Variants in REDIC1 observed in about 807,000 individuals in gnomAD.
REDIC1 encodes HEI10 Interacting Protein 1.
the REDIC1 span, among the ~76,000 whole-genome samples, chr12:39,816,414 A>G: frequency 8.7e-6 from 1 of 115,004 alleles, no homozygotes; most frequent in African/African-American, 3.4e-5. Flanking sequence ...GGAACATCAC[A>G]CCCCGGGGCC....
the REDIC1 span, among the ~76,000 whole-genome samples, chr12:39,668,628 T>C: frequency 6.6e-6 from 1 of 152,242 alleles, no homozygotes; most frequent in Non-Finnish European, 1.5e-5. Flanking sequence ...GAGGTTCTCC[T>C]GGATAATATC....
the REDIC1 span, among the ~76,000 whole-genome samples, chr12:39,750,932 C>T: frequency 6.6e-6 from 1 of 151,994 alleles, no homozygotes; most frequent in Non-Finnish European, 1.5e-5. Context: ...TAAAGACTTA[C>T]ATGTTAGACC....
the REDIC1 span, chr12:39,864,872 T>C: frequency 6.2e-6 from 10 of 1,610,142 alleles, no homozygotes; most frequent in East Asian, 2.2e-5. Context: ...TAATGAGTGC[T>C]ACGGTGGTAC....
the REDIC1 span, among the ~76,000 whole-genome samples, chr12:39,873,900 C>T: frequency 6.6e-6 from 1 of 152,100 alleles, no homozygotes; most frequent in Non-Finnish European, 1.5e-5. Context: ...GTCTTCTGTC[C>T]AGGTTAGGTA....
At chr12:39,828,936 A>G in the REDIC1 span, among the ~76,000 whole-genome samples, 16 of 152,120 alleles carry the variant, frequency 1.1e-4, no homozygotes, top group African/African-American at 3.9e-4. Flanking sequence ...TGTGGTCTGG[A>G]TTTTTACTCA....
chr12:39,711,839 GTATACACA>G, the REDIC1 span, among the ~76,000 whole-genome samples: 1 of 67,448 alleles, frequency 1.5e-5, no homozygotes, highest in Admixed American at 1.3e-4. Context: ...GTATATGTGT[GTATACACA>G]TGCATGTGTA....
chr12:39,796,765 A>C, the REDIC1 span, among the ~76,000 whole-genome samples: 1 of 152,180 alleles, frequency 6.6e-6, no homozygotes, highest in South Asian at 2.1e-4. Context: ...CCAACTAACA[A>C]TAAGAATGTA....
the REDIC1 span, among the ~76,000 whole-genome samples, chr12:39,779,354 G>T: frequency 6.6e-6 from 1 of 152,290 alleles, no homozygotes; most frequent in Non-Finnish European, 1.5e-5. Flanking sequence ...GAGAACTGAT[G>T]TTTTTCTACA....
At chr12:39,674,791 G>A in the REDIC1 span, among the ~76,000 whole-genome samples, 2 of 152,320 alleles carry the variant, frequency 1.3e-5, no homozygotes, top group East Asian at 1.9e-4. Context: ...TCTCACAGGG[G>A]TCCTTGGGGA....
chr12:39,711,584 C>CATGTGTATGTGTATACACGT, the REDIC1 span, among the ~76,000 whole-genome samples: 88 of 51,040 alleles, frequency 1.7e-3, no homozygotes, highest in African/African-American at 4.1e-3. Flanking sequence ...CATACACATG[C>CATGTGTATGTGTATACACGT]ATGTGTATAT....
the REDIC1 span, among the ~76,000 whole-genome samples, chr12:39,660,842 C>T: frequency 6.6e-6 from 1 of 152,068 alleles, no homozygotes; most frequent in Non-Finnish European, 1.5e-5. Flanking sequence ...CCTTCCCAGC[C>T]TCTGGTAACT....
At chr12:39,779,900 G>C in the REDIC1 span, among the ~76,000 whole-genome samples, 10 of 152,226 alleles carry the variant, frequency 6.6e-5, no homozygotes, top group Non-Finnish European at 1.5e-4. Context: ...AGGTGCCTGA[G>C]AATGAATGCA....
chr12:39,669,673 G>T, the REDIC1 span, among the ~76,000 whole-genome samples: 1 of 152,224 alleles, frequency 6.6e-6, no homozygotes, highest in African/African-American at 2.4e-5. Context: ...GAGGCAGGCA[G>T]GCCTCCTTGA....
At chr12:39,698,170 C>G in the REDIC1 span, among the ~76,000 whole-genome samples, 1 of 152,058 alleles carries the variant, frequency 6.6e-6, no homozygotes, top group Non-Finnish European at 1.5e-5. Flanking sequence ...CATTATAATT[C>G]CTGATGCAAC....
the REDIC1 span, among the ~76,000 whole-genome samples, chr12:39,816,310 C>T: frequency 8.6e-5 from 13 of 151,268 alleles, no homozygotes; most frequent in East Asian, 5.9e-4. Context: ...GATGAAAGGC[C>T]GTAGGTTGGG....
chr12:39,643,682 A>C, the REDIC1 span: 1 of 859,526 alleles, frequency 1.2e-6, no homozygotes, highest in African/African-American at 1.8e-5. Flanking sequence ...AAAAGTATCA[A>C]GTCAATGACT....
At chr12:39,713,030 TATGTATATATACATGTGTATATACGTGTA>T in the REDIC1 span, among the ~76,000 whole-genome samples, 1 of 142,014 alleles carries the variant, frequency 7.0e-6, no homozygotes, top group Non-Finnish European at 1.5e-5. Flanking sequence ...TATACGTGTA[TATGTATATATACATGTGTATATACGTGTA>T]TATGTGTATA....
chr12:39,747,322 A>G, the REDIC1 span, among the ~76,000 whole-genome samples: 3 of 152,242 alleles, frequency 2.0e-5, no homozygotes, highest in East Asian at 3.8e-4. Context: ...AAGAAAGGGT[A>G]TCAGTGATTG....
the REDIC1 span, among the ~76,000 whole-genome samples, chr12:39,725,496 A>C: frequency 2.0e-5 from 3 of 152,064 alleles, no homozygotes; most frequent in South Asian, 6.2e-4. Context: ...ACTTCATAGC[A>C]CTTGAAATGG....
Sources: allele counts gnomAD v4.1 joint callset (sites outside exome capture counted in the v4.1 genomes callset), GRCh38; gene constraint gnomAD v4.1.1; transcripts MANE v1.5; gene names NCBI Gene and HGNC (gene_info 2026-07-23, HGNC 2026-07-21).